RUSC2: variants seen among roughly 807,000 people sequenced by gnomAD.
RUSC2 encodes RUN and SH3 domain containing 2.
A neutral mutation model predicts 122.2 loss-of-function variants in RUSC2; 34 were observed. The observed-to-expected ratio is 0.28, with a 90% CI of 0.21 to 0.37. The LOEUF (loss-of-function observed/expected upper bound fraction) is 0.37. Among genes scored for constraint, RUSC2 ranks in the 10% least tolerant of loss-of-function variants. RUSC2 has a pLI of 1.00. For missense variants in RUSC2, 1,747 were observed against 1,952.4 expected (o/e 0.89, Z 1.98); for synonymous variants, 784 against 790.0 (o/e 0.99, Z 0.13).
intron 1 of RUSC2, among the ~76,000 whole-genome samples, chr9:35,530,678 C>T (rs1587851780): frequency 6.6e-6 from 1 of 151,874 alleles, no homozygotes. Flanking sequence ...CTCACTCTGT[C>T]GCCCAGGCTG....
In RUSC2 at chr9:35,560,263, T is replaced by G; in HGVS notation, c.3623T>G (p.Leu1208Arg). The change falls in exon 10 of 12, where the codon CTG becomes CGG. Residue 1208 changes from leucine to arginine, a missense_variant. Transcript: ENST00000361226. ...CTGTCTGCCCACTCCACGCTGCAGCTGGCCCGGGCCCGGGGCCAGGAGGGC... is the reference window on the plus strand; with the variant it reads ...CTGTCTGCCCACTCCACGCTGCAGCGGGCCCGGGCCCGGGGCCAGGAGGGC... ...LLLSAHSTLQLARARGQEGPG... is the reference protein window; with the variant it reads ...LLLSAHSTLQRARARGQEGPG... 6.3e-7 allele frequency: 1 copy of G among 1,592,060 alleles called. No homozygotes were observed. The highest frequency in any genetic ancestry group is 2.2e-5 in the East Asian group (1 of 44,476).
At position 35,560,586 on chromosome 9, in the gene RUSC2, C is replaced by G. The variant is rs1207061669; in HGVS notation, c.3946C>G (p.Pro1316Ala). The change falls in exon 10 of 12, where the codon CCA (proline) becomes GCA (alanine). Residue 1316 changes from proline to alanine, a missense_variant. By Grantham distance (27) the Pro-to-Ala change is conservative. Transcript: ENST00000361226. ...AGGGGPPQAP[P>A]PREGVVEGAE... The stretch of plus-strand genomic sequence containing the variant: ...AGGTGGGGGACCTCCCCAGGCTCCA[C>G]CACCCCGAGAGGGAGTAGTGGAGGG... The G allele has an allele frequency of 6.2e-7, 1 of 1,613,852 alleles. No individual in the cohort carries two copies. The highest frequency in any genetic ancestry group is 8.5e-7 in the Non-Finnish European group (1 of 1,179,872).
intron 1 of RUSC2, among the ~76,000 whole-genome samples, chr9:35,521,441 T>C (rs865979502): frequency 1.4e-4 from 21 of 152,358 alleles, no homozygotes; most frequent in Middle Eastern, 3.4e-3. Flanking sequence ...GAAAAGCAAC[T>C]CTTTCAGCTC....
At position 35,547,104 on chromosome 9, in the gene RUSC2, C is replaced by T. The variant is rs753275938; in HGVS notation, c.583C>T (p.Leu195=). The change falls in exon 2 of 12, where the codon CTG becomes TTG. Residue 195 remains leucine (L), a synonymous_variant. Coordinates refer to ENST00000361226, the MANE Select transcript of RUSC2 (RefSeq NM_014806.5). The surrounding 1 kb of genome is among the most constrained non-coding windows in gnomAD (Gnocchi z 4.6). The part of the protein sequence containing the change: ...CGTSHCCRPE[L]EAETMELDEC... ...CACCAGCCACTGCTGCCGGCCAGAG[C>T]TGGAAGCAGAGACTATGGAGCTGGA... 3 of 1,614,004 alleles carry T rather than the reference C, an allele frequency of 1.9e-6. No individual in the cohort carries two copies. Among genetic ancestry groups the T allele is most frequent in the Non-Finnish European group, 2.5e-6 (3 of 1,180,018 alleles).
intron 1 of RUSC2, among the ~76,000 whole-genome samples, chr9:35,510,712 C>A (rs1820996183): frequency 6.6e-6 from 1 of 152,202 alleles, no homozygotes; most frequent in South Asian, 2.1e-4. Flanking sequence ...CAGATTCCTT[C>A]AAACGTTTGC....
chr9:35,556,305 C>T lies in RUSC2; in HGVS notation c.2843-3C>T. 6.2e-7 allele frequency: 1 copy of T among 1,613,774 alleles called. No homozygotes were observed. The highest frequency in any genetic ancestry group is 2.2e-5 in the East Asian group (1 of 44,878). On this transcript the variant is annotated splice_polypyrimidine_tract_variant and splice_region_variant and intron_variant, in intron 4 of 11. Coordinates refer to ENST00000361226, the MANE Select transcript of RUSC2 (RefSeq NM_014806.5). The stretch of plus-strand genomic sequence containing the variant: ...TCAGGATTGATTTTTCTCTTCTTTC[C>T]AGGCCAAGCAGTGAAGCCGTTACCA...
intron 9 of RUSC2, among the ~76,000 whole-genome samples, chr9:35,559,553 G>A (rs1434304076): frequency 1.3e-5 from 2 of 152,162 alleles, no homozygotes; most frequent in Non-Finnish European, 2.9e-5. Flanking sequence ...TGGGCAACAT[G>A]GTGAAACCCC....
chr9:35,561,332 G>A lies in RUSC2; in HGVS notation c.4501G>A (p.Val1501Met), dbSNP rs766184793. The change falls in exon 12 of 12, where the codon GTG becomes ATG. Residue 1501 changes from valine (V) to methionine (M), a missense_variant. Coordinates refer to ENST00000361226, the MANE Select transcript of RUSC2 (RefSeq NM_014806.5). ...PDSGLVPLAY[V>M]TLTPTPSPTP... ...CTCTGGCCTGGTGCCCCTGGCCTAC[G>A]TGACATTGACCCCAACTCCAAGTCC... is the stretch of plus-strand genomic sequence containing the variant. 14 of 1,613,954 alleles carry A rather than the reference G, an allele frequency of 8.7e-6. No individual in the cohort carries two copies. Among genetic ancestry groups the A allele is most frequent in the South Asian group, 3.3e-5 (3 of 91,078 alleles).
rs766354764 is a variant in RUSC2, at chr9:35,558,392, C to A, written c.3235+21C>A. The A allele has an allele frequency of 1.9e-6, 3 of 1,613,820 alleles. No individual in the cohort carries two copies. The highest frequency in any genetic ancestry group is 2.5e-6 in the Non-Finnish European group (3 of 1,179,740). The stretch of plus-strand genomic sequence containing the variant: ...GCTAGGTAGGTGCTGGGTGCCAAGA[C>A]GGGGACCCAGGGCTGAATTTAGGGC... On this transcript the variant is annotated intron_variant, in intron 7 of 11. Transcript: ENST00000361226. This position sits in a 1 kb window ranked among gnomAD's most constrained non-coding sequence, Gnocchi z 4.3.
At position 35,560,592 on chromosome 9, in the gene RUSC2, C is replaced by T. The variant is rs1554645052; in HGVS notation, c.3952C>T (p.Arg1318Ter). The change falls in exon 10 of 12, where the codon CGA becomes TGA. Residue 1318 changes from arginine (R) to a stop codon, truncating the protein, a stop_gained. Coordinates refer to ENST00000361226, the MANE Select transcript of RUSC2 (RefSeq NM_014806.5). LOFTEE classifies it high-confidence loss of function. ...GGGACCTCCCCAGGCTCCACCACCC[C>T]GAGAGGGAGTAGTGGAGGGGGCTGA... ...GGGPPQAPPP[R>*]EGVVEGAEAC... is the part of the protein sequence containing the mutation. 1 of 1,613,532 alleles carries T rather than the reference C, an allele frequency of 6.2e-7. No homozygotes were observed. Among genetic ancestry groups the T allele is most frequent in the Non-Finnish European group, 8.5e-7 (1 of 1,179,730 alleles).
chr9:35,539,530 G>A (rs755513210), intron 1 of RUSC2, among the ~76,000 whole-genome samples: 13 of 151,668 alleles, frequency 8.6e-5, no homozygotes, highest in Non-Finnish European at 1.8e-4. Flanking sequence ...TCAAGAGGAG[G>A]GCTGGGAAAC....
chr9:35,525,141 G>A (rs1404207199), intron 1 of RUSC2, among the ~76,000 whole-genome samples: 1 of 152,150 alleles, frequency 6.6e-6, no homozygotes, highest in African/African-American at 2.4e-5. Flanking sequence ...CAGAGAATTT[G>A]ACATTCTTTT....
At chr9:35,531,773 C>T (rs1041393682) in intron 1 of RUSC2, among the ~76,000 whole-genome samples, 2 of 152,206 alleles carry the variant, frequency 1.3e-5, no homozygotes, top group African/African-American at 4.8e-5. Context: ...CGCCTGTAAT[C>T]CCAGCACTTT....
chr9:35,506,942 C>G (rs1214254220), intron 1 of RUSC2, among the ~76,000 whole-genome samples: 1 of 152,030 alleles, frequency 6.6e-6, no homozygotes, highest in Non-Finnish European at 1.5e-5. Context: ...ATAGTGAAAC[C>G]TCGTCTCTAC....
rs373541798 is a variant in RUSC2, at chr9:35,546,637, G to A, written c.116G>A (p.Ser39Asn). 4 of 1,569,590 alleles carry A rather than the reference G, an allele frequency of 2.5e-6. No homozygotes were observed. In the African/African-American group the frequency reaches 5.4e-5, roughly 21 times the overall value. The part of the protein sequence containing the change: ...CCGGAGGGGG[S>N]TRPNPFCPPE... The stretch of plus-strand genomic sequence containing the variant: ...GGAGGGGCAGGTGGAGGTGGTGGGA[G>A]CACAAGACCTAATCCCTTCTGCCCA... The change falls in exon 2 of 12, where the codon AGC (serine) becomes AAC (asparagine). Residue 39 changes from serine (S) to asparagine (N), a missense_variant. Coordinates refer to ENST00000361226, the MANE Select transcript of RUSC2 (RefSeq NM_014806.5). The surrounding 1 kb of genome is among the most constrained non-coding windows in gnomAD (Gnocchi z 4.3).
rs376598325 is a variant in RUSC2 at position 35,535,836 on chromosome 9, G to C, written c.-92-10594G>C. Among the ~76,000 whole-genome samples the C allele has an allele frequency of 1.3e-3, 196 of 152,156 alleles. 2 individuals are homozygous for C. The highest frequency in any genetic ancestry group is 5.6e-3 in the South Asian group (27 of 4,826). The stretch of plus-strand genomic sequence containing the variant: ...ATTACAGGCATGAGCCACCGTGCCC[G>C]GCCAAGCATCTCTTTTTAGATTATT... On this transcript the variant is annotated intron_variant, in intron 1 of 11. Coordinates refer to ENST00000361226, the MANE Select transcript of RUSC2 (RefSeq NM_014806.5).
intron 1 of RUSC2, among the ~76,000 whole-genome samples, chr9:35,526,752 CAA>C: frequency 1.3e-5 from 2 of 152,146 alleles, no homozygotes; most frequent in African/African-American, 4.8e-5. Context: ...GCAGCCTGGG[CAA>C]AAGAGAGAGA....
chr9:35,515,999 C>CAAAAAAAA (rs544797957), intron 1 of RUSC2, among the ~76,000 whole-genome samples: 805 of 47,062 alleles, frequency 0.017, 54 homozygotes, highest in African/African-American at 0.047. Flanking sequence ...ATTCTTGTCT[C>CAAAAAAAA]AAAAAAAAAA....
At chr9:35,501,482 C>T (rs1297462798) in intron 1 of RUSC2, among the ~76,000 whole-genome samples, 1 of 152,184 alleles carries the variant, frequency 6.6e-6, no homozygotes, top group Non-Finnish European at 1.5e-5. Flanking sequence ...GAGGCTGAGG[C>T]ACAAGAATTG....
Sources: gnomAD v4.1 joint callset for allele counts (sites outside exome capture counted in the v4.1 genomes callset) on GRCh38, gnomAD v4.1.1 for gene constraint, Gnocchi (gnomAD v3.1) non-coding constraint, MANE v1.5 for transcripts, NCBI Gene and HGNC (gene_info 2026-07-23, HGNC 2026-07-21) for gene names.